Variants in NFIA observed in about 807,000 individuals in gnomAD.
NFIA encodes nuclear factor 1 A-type.
Under a neutral mutation model 62.8 loss-of-function variants are expected in NFIA, and 8 were observed. The ratio of observed to expected loss-of-function variants is 0.13; its 90% CI spans 0.07 to 0.23. The LOEUF (loss-of-function observed/expected upper bound fraction) is 0.23, where lower values mean the gene tolerates loss of function less well. Ranked by LOEUF, NFIA falls within the 10% of genes least tolerant of loss-of-function variation. NFIA has a pLI of 1.00. For synonymous variants in NFIA, 235 were observed against 238.1 expected, an observed-to-expected ratio of 0.99 and a Z score of 0.12; for missense variants, 410 against 642.1, an observed-to-expected ratio of 0.64 and a Z score of 3.91.
intron 3 of NFIA, among the ~76,000 whole-genome samples, chr1:61,321,442 GGGAAGGAA>G (rs199717406): frequency 6.6e-6 from 1 of 151,412 alleles, no homozygotes; most frequent in Non-Finnish European, 1.5e-5. Context: ...AGGAAAGGAA[GGGAAGGAA>G]GGAAGGAAGG....
intron 2 of NFIA, among the ~76,000 whole-genome samples, chr1:61,215,662 G>T (rs1282254861): frequency 6.6e-6 from 1 of 152,118 alleles, no homozygotes; most frequent in Non-Finnish European, 1.5e-5. Context: ...TATCTATCAA[G>T]CTATAATTAA....
intron 10 of NFIA, among the ~76,000 whole-genome samples, chr1:61,445,662 C>T (rs11207740): frequency 0.037 from 5,634 of 152,220 alleles, 347 homozygotes; most frequent in African/African-American, 0.13. Context: ...GCTATGACCG[C>T]GCACAGGGAA....
intron 3 of NFIA, among the ~76,000 whole-genome samples, chr1:61,285,135 G>A (rs1658401485): frequency 6.6e-6 from 1 of 152,196 alleles, no homozygotes; most frequent in Non-Finnish European, 1.5e-5. Flanking sequence ...TTTGGCTACA[G>A]CTCCATCTGC....
At chr1:61,156,591 T>C (rs1341899973) in intron 2 of NFIA, among the ~76,000 whole-genome samples, 1 of 152,228 alleles carries the variant, frequency 6.6e-6, no homozygotes, top group Non-Finnish European at 1.5e-5. Flanking sequence ...TGTCCAGTGT[T>C]GGCAGTTATC....
intron 7 of NFIA, among the ~76,000 whole-genome samples, chr1:61,391,159 C>T (rs946989946): frequency 6.6e-6 from 1 of 152,058 alleles, no homozygotes; most frequent in African/African-American, 2.4e-5. Context: ...CTCCTAGGCT[C>T]AAGGGATCCT....
chr1:61,339,318 A>C (rs1235731127), intron 4 of NFIA, among the ~76,000 whole-genome samples: 2 of 152,224 alleles, frequency 1.3e-5, no homozygotes, highest in African/African-American at 4.8e-5. Context: ...CCCTTTAAAA[A>C]AATCATAATG....
chr1:61,364,380 A>G (rs1164426207), intron 6 of NFIA, among the ~76,000 whole-genome samples: 2 of 152,174 alleles, frequency 1.3e-5, no homozygotes, highest in African/African-American at 4.8e-5. Context: ...GTATTCAATA[A>G]ATATTGATTG....
chr1:61,221,610 G>C (rs936699213), intron 2 of NFIA, among the ~76,000 whole-genome samples: 1 of 152,058 alleles, frequency 6.6e-6, no homozygotes, highest in Non-Finnish European at 1.5e-5. Context: ...GAAGATAAAT[G>C]GTGGATTTTA....
intron 2 of NFIA, among the ~76,000 whole-genome samples, chr1:61,163,024 T>C (rs2100538775): frequency 6.6e-6 from 1 of 152,260 alleles, no homozygotes; most frequent in East Asian, 1.9e-4. Flanking sequence ...TGCTAATGTG[T>C]GGAGCTTTGG....
intron 2 of NFIA, among the ~76,000 whole-genome samples, chr1:61,171,013 A>ATG (rs374660654): frequency 6.1e-4 from 93 of 151,266 alleles, no homozygotes; most frequent in Admixed American, 2.2e-3. Flanking sequence ...GCTCTGTGGC[A>ATG]TGTGTGTGTG....
intron 2 of NFIA, among the ~76,000 whole-genome samples, chr1:61,104,812 A>C (rs966167925): frequency 6.6e-6 from 1 of 152,032 alleles, no homozygotes; most frequent in Non-Finnish European, 1.5e-5. Context: ...AACTTACAAA[A>C]TCACATGAAA....
At chr1:61,150,170 C>T (rs563185828) in intron 2 of NFIA, among the ~76,000 whole-genome samples, 13 of 152,174 alleles carry the variant, frequency 8.5e-5, no homozygotes, top group Non-Finnish European at 1.9e-4. Context: ...AGCACTGACC[C>T]GTGAGTTATT....
intron 2 of NFIA, among the ~76,000 whole-genome samples, chr1:61,093,363 C>T (rs911216449): frequency 6.6e-6 from 1 of 151,982 alleles, no homozygotes; most frequent in African/African-American, 2.4e-5. Flanking sequence ...ACAATATACA[C>T]TGTATATTGT....
At chr1:61,185,895 GTTAAT>G (rs1445664705) in intron 2 of NFIA, among the ~76,000 whole-genome samples, 2 of 151,934 alleles carry the variant, frequency 1.3e-5, no homozygotes, top group Non-Finnish European at 2.9e-5. Flanking sequence ...AAATGCTCTT[GTTAAT>G]TTATTTGATT....
intron 7 of NFIA, among the ~76,000 whole-genome samples, chr1:61,400,630 T>G (rs1665505696): frequency 6.6e-6 from 1 of 152,226 alleles, no homozygotes; most frequent in African/African-American, 2.4e-5. Flanking sequence ...TAATTTTTTA[T>G]GGTGTCAACT....
At chr1:61,393,061 G>A (rs535390276) in intron 7 of NFIA, among the ~76,000 whole-genome samples, 17 of 151,942 alleles carry the variant, frequency 1.1e-4, no homozygotes, top group Non-Finnish European at 1.9e-4. Flanking sequence ...TCCTGGTATC[G>A]TACGCTTGGA....
intron 7 of NFIA, among the ~76,000 whole-genome samples, chr1:61,393,249 CT>C (rs1557753651): frequency 2.3e-5 from 1 of 42,618 alleles, no homozygotes; most frequent in Non-Finnish European, 3.8e-5. Context: ...CTCTCCCTCT[CT>C]CTCTCTCTCT....
chr1:61,153,236 C>T (rs1648548353), intron 2 of NFIA, among the ~76,000 whole-genome samples: 1 of 152,132 alleles, frequency 6.6e-6, no homozygotes, highest in African/African-American at 2.4e-5. Context: ...TGCCATAATC[C>T]CCACTGTTCC....
Position 61,383,260 on chromosome 1 carries a change from A to G in NFIA, c.970A>G (p.Lys324Glu). 1 of 1,614,034 alleles carries G rather than the reference A, an allele frequency of 6.2e-7. No homozygotes were observed. The highest frequency in any genetic ancestry group is 1.7e-4 in the Middle Eastern group (1 of 6,060). ...EPGMPSPTTLKKSEKSGFSSP... is the reference protein window; with the variant it reads ...EPGMPSPTTLEKSEKSGFSSP... ...AGGAATGCCATCTCCAACCACACTG[A>G]AGAAGTCGGAGAAGTCTGGTTTCAG... is the stretch of plus-strand genomic sequence containing the variant. Residue 324 changes from lysine to glutamate, a missense_variant, in exon 7 of 11, where the codon AAG becomes GAG. By Grantham distance (56) the Lys-to-Glu change is moderately conservative. Coordinates refer to ENST00000403491, the MANE Select transcript of NFIA (RefSeq NM_001134673.4).
Sources: gnomAD v4.1 joint callset for allele counts (sites outside exome capture counted in the v4.1 genomes callset) on GRCh38, gnomAD v4.1.1 for gene constraint, MANE v1.5 for transcripts, NCBI Gene and HGNC (gene_info 2026-07-23, HGNC 2026-07-21) for gene names.